TSHZ3: variants seen among roughly 807,000 people sequenced by gnomAD.
TSHZ3 encodes teashirt zinc finger homeobox 3.
Under a neutral mutation model 64.5 loss-of-function variants are expected in TSHZ3, and 10 were observed. The observed-to-expected ratio is 0.16, with a 90% CI of 0.10 to 0.26. TSHZ3 has a LOEUF of 0.26. Ranked by LOEUF, TSHZ3 falls within the 10% of genes least tolerant of loss-of-function variation. The pLI is 1.00. For synonymous variants in TSHZ3, 608 were observed against 593.1 expected, an observed-to-expected ratio of 1.03 and a Z score of -0.36; for missense variants, 1,242 against 1,421.7, an observed-to-expected ratio of 0.87 and a Z score of 2.03.
chr19:31,257,331 T>A (rs1443048134), intron 1 of TSHZ3, among the ~76,000 whole-genome samples: 1 of 152,190 alleles, frequency 6.6e-6, no homozygotes, highest in Admixed American at 6.5e-5. Context: ...TCTGAGCGAC[T>A]CTCATTCCCT....
At chr19:31,229,121 A>C (rs972911011) in intron 3 of TSHZ3, among the ~76,000 whole-genome samples, 3 of 152,320 alleles carry the variant, frequency 2.0e-5, no homozygotes, top group Middle Eastern at 3.4e-3. Flanking sequence ...AAACATTGTA[A>C]GGGGGCCATT....
rs1703126379 is a variant in TSHZ3 at position 31,349,020 on chromosome 19, AC to A, written c.40+159del. The A allele has an allele frequency of 2.0e-5, 17 of 856,518 alleles. 2 individuals carry two copies. In the South Asian group the frequency reaches 3.2e-4, roughly 16 times the overall value. 53.1% of individuals were successfully genotyped at this position (856,518 alleles called of 1,614,324 possible). On this transcript the variant is annotated intron_variant, in intron 1 of 1. Coordinates refer to ENST00000240587, the MANE Select transcript of TSHZ3 (RefSeq NM_020856.4). Reference sequence around the variant, plus strand: ...GCGGGGCGTCCGGGGGGCGCCCGGTACCCGAGGCGGGCGCACGCACCCAAAC... The same window carrying A: ...GCGGGGCGTCCGGGGGGCGCCCGGTACCGAGGCGGGCGCACGCACCCAAAC...
At position 31,349,277 on chromosome 19, in the gene TSHZ3, G is replaced by A. The variant is rs956684624; in HGVS notation, c.-58C>T. ...CGCCGCCGCTGCCGGGCTGAGGACA[G>A]GGAGGGAGGGGGCGGCGGGCCCGCG... On this transcript the variant is annotated 5_prime_UTR_variant, in exon 1 of 2. Coordinates refer to ENST00000240587, the MANE Select transcript of TSHZ3 (RefSeq NM_020856.4). 350 of 1,340,972 alleles carry A rather than the reference G, an allele frequency of 2.6e-4. No homozygotes were observed. The highest frequency in any genetic ancestry group is 2.5e-3 in the Middle Eastern group (11 of 4,414). The allele number at this position is 1,340,972 out of a possible 1,614,324, so 83.1% of individuals were successfully genotyped here.
chr19:31,274,899 G>A (rs769598393), downstream of TSHZ3: 11 of 152,244 alleles, frequency 7.2e-5, no homozygotes, highest in East Asian at 3.9e-4. Context: ...TAATGTGCTC[G>A]TTAGTCGTAG....
chr19:31,311,417 T>A (rs931165645), intron 1 of TSHZ3, among the ~76,000 whole-genome samples: 15 of 152,190 alleles, frequency 9.9e-5, no homozygotes, highest in African/African-American at 3.6e-4. Flanking sequence ...TGCTGAGCTC[T>A]GGCCTGCCTC....
chr19:31,308,616 C>G (rs1395351694), intron 1 of TSHZ3: 5 of 398,446 alleles, frequency 1.3e-5, no homozygotes, highest in Non-Finnish European at 1.8e-5. Flanking sequence ...GTGTTTTAGG[C>G]TCCACAGGTA....
intron 1 of TSHZ3, among the ~76,000 whole-genome samples, chr19:31,289,474 G>A (rs1217565485): frequency 1.3e-5 from 2 of 152,206 alleles, no homozygotes; most frequent in Admixed American, 6.5e-5. Context: ...AGGAAGAGAT[G>A]ATGTCAGAAG....
rs578162292 is a variant in TSHZ3, at chr19:31,309,291, G to A, written c.41-29539C>T. On this transcript the variant is annotated intron_variant, in intron 1 of 1. Transcript: ENST00000240587. Reference sequence around the variant, plus strand: ...TAAGAGGGTAGGTGGTAAAAGGACAGAAGGATGAAAGAGAGAGAGGGAGTA... The same window carrying A: ...TAAGAGGGTAGGTGGTAAAAGGACAAAAGGATGAAAGAGAGAGAGGGAGTA... Among the ~76,000 whole-genome samples, 18 of 152,336 alleles carry A rather than the reference G, an allele frequency of 1.2e-4. No individual in the cohort carries two copies. In the South Asian group the frequency reaches 3.3e-3, roughly 28 times the overall value.
intron 5 of TSHZ3, among the ~76,000 whole-genome samples, chr19:31,162,404 G>C (rs56410887): frequency 0.024 from 3,607 of 152,180 alleles, 157 homozygotes; most frequent in African/African-American, 0.082. Context: ...ATTTATGTGA[G>C]TCTTGCAAAT....
intron 1 of TSHZ3, among the ~76,000 whole-genome samples, chr19:31,302,424 T>C (rs909014363): frequency 1.4e-4 from 22 of 152,204 alleles, no homozygotes; most frequent in African/African-American, 5.1e-4. Flanking sequence ...TACTCACACC[T>C]GTTCATAAGT....
At position 31,301,614 on chromosome 19, in the gene TSHZ3, G is replaced by A. The variant is rs149127686; in HGVS notation, c.41-21862C>T. Among the ~76,000 whole-genome samples the A allele has an allele frequency of 4.0e-4, 61 of 152,248 alleles. No homozygotes were observed. The East Asian group carries it at 0.011, about 27-fold the overall frequency. ...ATCGTCATAGAGCAGGAGACACCCC[G>A]GCAAAGGGATTCCGCAAGGTCCACC... On this transcript the variant is annotated intron_variant, in intron 1 of 1. Coordinates refer to ENST00000240587, the MANE Select transcript of TSHZ3 (RefSeq NM_020856.4).
chr19:31,260,344 C>T (rs1183062310), intron 1 of TSHZ3, among the ~76,000 whole-genome samples: 2 of 152,214 alleles, frequency 1.3e-5, no homozygotes, highest in African/African-American at 2.4e-5. Flanking sequence ...TAAGTACAGC[C>T]AGTCCGGTGA....
upstream of TSHZ3, among the ~76,000 whole-genome samples, chr19:31,350,698 G>C (rs570313412): frequency 1.3e-5 from 2 of 151,284 alleles, no homozygotes; most frequent in Non-Finnish European, 3.0e-5. Flanking sequence ...CGTGGGCGGC[G>C]GGGCGACGCG....
chr19:31,167,384 GC>G (rs1974469203), intron 5 of TSHZ3: 1 of 152,160 alleles, frequency 6.6e-6, no homozygotes, highest in South Asian at 2.1e-4. Flanking sequence ...TCCAATTCAA[GC>G]CCCCTCACTT....
At chr19:31,177,661 T>C (rs1974631823) in intron 5 of TSHZ3, among the ~76,000 whole-genome samples, 1 of 152,234 alleles carries the variant, frequency 6.6e-6, no homozygotes, top group Non-Finnish European at 1.5e-5. Context: ...TGCTGTAAAA[T>C]GTAACAGTCA....
intron 1 of TSHZ3, among the ~76,000 whole-genome samples, chr19:31,244,431 T>C (rs1249586520): frequency 1.3e-5 from 2 of 152,166 alleles, no homozygotes; most frequent in East Asian, 3.9e-4. Flanking sequence ...TGTGACCAAT[T>C]AAACCTCTGT....
intron 1 of TSHZ3, among the ~76,000 whole-genome samples, chr19:31,312,367 A>G (rs1916482416): frequency 6.6e-6 from 1 of 152,200 alleles, no homozygotes; most frequent in Non-Finnish European, 1.5e-5. Context: ...TTAAAATTAA[A>G]CAAAATGTAA....
chr19:31,313,185 C>T (rs891365639), intron 1 of TSHZ3, among the ~76,000 whole-genome samples: 1 of 152,098 alleles, frequency 6.6e-6, no homozygotes, highest in Admixed American at 6.5e-5. Flanking sequence ...GGGCTTTGCT[C>T]TGCTACCAGC....
intron 5 of TSHZ3, among the ~76,000 whole-genome samples, chr19:31,197,940 C>T (rs1780708602): frequency 6.6e-6 from 1 of 152,054 alleles, no homozygotes; most frequent in African/African-American, 2.4e-5. Flanking sequence ...TTGTCTAACT[C>T]ATTCTGAGCA....
Sources: allele counts gnomAD v4.1 joint callset (sites outside exome capture counted in the v4.1 genomes callset), GRCh38; gene constraint gnomAD v4.1.1; transcripts MANE v1.5; gene names NCBI Gene and HGNC (gene_info 2026-07-23, HGNC 2026-07-21).